The following TBC1D2B variants were observed in gnomAD, a reference collection of about 807,000 sequenced individuals.
TBC1D2B encodes TBC1 domain family, member 2B.
In TBC1D2B, 64 loss-of-function variants were observed where a neutral mutation model predicts 100.8. The ratio of observed to expected loss-of-function variants is 0.64; its 90% CI spans 0.52 to 0.78. TBC1D2B has a LOEUF of 0.78. Ranked by LOEUF, TBC1D2B falls within the 30% of genes least tolerant of loss-of-function variation. TBC1D2B has a pLI of 0.00. For synonymous variants in TBC1D2B, 480 were observed against 479.7 expected (o/e 1.00, Z -0.01); for missense variants, 1,052 against 1,218.4 (o/e 0.86, Z 2.03).
rs1567015444 is a variant in TBC1D2B, at chr15:78,012,926, G to A, written c.2167C>T (p.His723Tyr). 1.9e-6 allele frequency: 3 copies of A among 1,549,490 alleles called. No homozygotes were observed. Among genetic ancestry groups the A allele is most frequent in the Non-Finnish European group, 2.6e-6 (3 of 1,146,160 alleles). Reference protein sequence around the residue: ...DLLRTLPNNKHYSCPTSEGIQ... With the variant: ...DLLRTLPNNKYYSCPTSEGIQ... ...CCTTCTGAGGTGGGGCAGGAGTAAT[G>A]TTTGTTGTTGGGCAGAGTTCGCAGC... is the stretch of plus-strand genomic sequence containing the variant. Residue 723 changes from histidine to tyrosine, a missense_variant, in exon 9 of 13, where the codon CAT becomes TAT. By Grantham distance (83) the His-to-Tyr change is moderately conservative. Transcript: ENST00000300584.
intron 1 of TBC1D2B, among the ~76,000 whole-genome samples, chr15:78,062,518 T>C (rs1253519033): frequency 6.6e-6 from 1 of 152,164 alleles, no homozygotes; most frequent in Admixed American, 6.5e-5. Context: ...CTACATCTGC[T>C]GAGGAGAATT....
Position 78,025,459 on chromosome 15 carries a change from T to G in TBC1D2B, c.886A>C (p.Asn296His). 1 of 1,613,816 alleles carries G rather than the reference T, an allele frequency of 6.2e-7. No individual in the cohort carries two copies. The highest frequency in any genetic ancestry group is 8.5e-7 in the Non-Finnish European group (1 of 1,179,854). The change falls in exon 5 of 13, where the codon AAC becomes CAC. Residue 296 changes from asparagine to histidine, a missense_variant. Asn to His is a moderately conservative substitution (Grantham distance 68). Around this residue, in one of 4 missense-constraint regions of TBC1D2B, gnomAD observed 627 missense variants for 646.1 expected, o/e 0.97. Transcript: ENST00000300584. ...AAAGGGCGCTTTCCTTTGTAGGGGT[T>G]ACGTCCAAAATCAAAGGGGAATCCT... is the stretch of plus-strand genomic sequence containing the variant. ...GSGFPFDFGR[N>H]PYKGKRPLKD... is the part of the protein sequence containing the mutation.
At chr15:78,008,648 C>A (rs886217772) in intron 10 of TBC1D2B, among the ~76,000 whole-genome samples, 4 of 152,234 alleles carry the variant, frequency 2.6e-5, no homozygotes, top group Admixed American at 2.0e-4. Context: ...TTCTTGAGAG[C>A]CTGAGCTAAC....
chr15:78,054,763 T>G (rs887909579), intron 1 of TBC1D2B, among the ~76,000 whole-genome samples: 12 of 152,238 alleles, frequency 7.9e-5, no homozygotes, highest in Non-Finnish European at 1.5e-4. Flanking sequence ...GCAGCTACTT[T>G]AGAAAACAGT....
Position 78,045,151 on chromosome 15 carries a change from T to TA in TBC1D2B, c.515-84dup, listed in dbSNP as rs894195462. On this transcript the variant is annotated intron_variant, in intron 2 of 12. Transcript: ENST00000300584. The stretch of plus-strand genomic sequence containing the variant: ...TCCCACATAAAACACTGACTTGACA[T>TA]ACTATATAAAAATCTAAACTATGTA... The TA allele has an allele frequency of 5.6e-6, 7 of 1,259,516 alleles. No individual in the cohort carries two copies. In the Admixed American group the frequency reaches 1.2e-4, roughly 22 times the overall value. The allele number at this position is 1,259,516 out of a possible 1,614,324, so 78.0% of individuals were successfully genotyped here.
chr15:78,050,167 G>A (rs1372878154), intron 2 of TBC1D2B, among the ~76,000 whole-genome samples: 1 of 152,022 alleles, frequency 6.6e-6, no homozygotes, highest in African/African-American at 2.4e-5. Context: ...GCACTGCTCA[G>A]GCTGCCTGAG....
In TBC1D2B at chr15:78,053,894, C is replaced by A. The variant is rs184747176; in HGVS notation, c.514+140G>T. The A allele has an allele frequency of 3.7e-3, 3,571 of 977,080 alleles. 28 individuals are homozygous for A. The highest frequency in any genetic ancestry group is 0.016 in the South Asian group (933 of 58,290). 60.5% of individuals were successfully genotyped at this position (977,080 alleles called of 1,614,324 possible). A position where few individuals can be genotyped will look rare whatever the true frequency, so the allele number is the denominator to read the frequency against. ...CTTTGTACATGGAGGCGCTGGGTAA[C>A]TGTGGAATGCTGTCCACTCATAAGG... On this transcript the variant is annotated intron_variant, in intron 2 of 12. Transcript: ENST00000300584.
intron 4 of TBC1D2B, among the ~76,000 whole-genome samples, chr15:78,026,640 G>A (rs570518155): frequency 1.3e-5 from 2 of 152,266 alleles, no homozygotes; most frequent in African/African-American, 4.8e-5. Flanking sequence ...TTGGGGACAG[G>A]CATGGTGGCT....
At chr15:78,017,771 G>A (rs2072413864) in intron 7 of TBC1D2B, 76 bp downstream of exon 7, 2 of 968,390 alleles carry the variant, frequency 2.1e-6, no homozygotes, top group Admixed American at 5.4e-5. Flanking sequence ...GAACCGCTTT[G>A]TAAAGCATGC....
At chr15:78,054,298 G>A in intron 1 of TBC1D2B, 111 bp from the exon 2 acceptor site, 1 of 1,147,870 alleles carries the variant, frequency 8.7e-7, no homozygotes, top group Non-Finnish European at 1.2e-6. Context: ...GAGTTAAGAT[G>A]AACAGATCAA....
rs201639726 is a variant in TBC1D2B at position 78,003,335 on chromosome 15, T to C, written c.2544A>G (p.Ile848Met). The C allele has an allele frequency of 5.6e-6, 9 of 1,613,834 alleles. No homozygotes were observed. The highest frequency in any genetic ancestry group is 7.6e-6 in the Non-Finnish European group (9 of 1,179,848). ...DSVVSDILFK[I>M]WDSFLYEGPK... is the part of the protein sequence containing the mutation. Reference sequence around the variant, plus strand: ...GTCCTTCATAAAGGAAAGAGTCCCATATTTTAAAGAGGATGTCACTAACGA... The same window carrying C: ...GTCCTTCATAAAGGAAAGAGTCCCACATTTTAAAGAGGATGTCACTAACGA... The change falls in exon 11 of 13, where the codon ATA becomes ATG. Residue 848 changes from isoleucine (I) to methionine (M), a missense_variant. Transcript: ENST00000300584.
chr15:78,016,297 G>A (rs750994306), intron 8 of TBC1D2B, among the ~76,000 whole-genome samples: 11 of 152,140 alleles, frequency 7.2e-5, no homozygotes, highest in Non-Finnish European at 1.6e-4. Context: ...GGAAGGATCA[G>A]AAGGAAGGCT....
At chr15:78,041,590 G>A (rs897070816) in intron 3 of TBC1D2B, among the ~76,000 whole-genome samples, 14 of 152,156 alleles carry the variant, frequency 9.2e-5, no homozygotes, top group Non-Finnish European at 1.8e-4. Flanking sequence ...TACAATTTTT[G>A]AGCCATTCAT....
rs756551315 is a variant in TBC1D2B, at chr15:78,003,403, G to C, written c.2476C>G (p.Leu826Val). The change falls in exon 11 of 13, where the codon CTC becomes GTC. Residue 826 changes from leucine to valine, a missense_variant. This residue lies in a region of TBC1D2B where 373 missense variants were observed against 464.9 expected (regional missense o/e 0.80). Coordinates refer to ENST00000300584, the MANE Select transcript of TBC1D2B (RefSeq NM_144572.2). ...ACCAGAAACCAGTTGAAAGTGATGA[G>C]AGTGTAGTCGACTTTGTACTGTTCA... ...HFEQYKVDYT[L>V]ITFNWFLVVF... 1 of 1,613,916 alleles carries C rather than the reference G, an allele frequency of 6.2e-7. No homozygotes were observed. The highest frequency in any genetic ancestry group is 1.1e-5 in the South Asian group (1 of 91,084).
At chr15:78,016,428 T>C in intron 8 of TBC1D2B, 118 bp downstream of exon 8, 1 of 934,720 alleles carries the variant, frequency 1.1e-6, no homozygotes, top group Admixed American at 2.4e-5. Flanking sequence ...ACAGCATTTG[T>C]CATGAGCACC....
intron 3 of TBC1D2B, among the ~76,000 whole-genome samples, chr15:78,034,247 T>C (rs924717057): frequency 1.3e-5 from 2 of 152,340 alleles, no homozygotes; most frequent in Middle Eastern, 3.4e-3. Flanking sequence ...GAGAAAACTA[T>C]TTCAAAATAG....
At chr15:78,069,111 C>G (rs117557926) in intron 1 of TBC1D2B, among the ~76,000 whole-genome samples, 1,823 of 152,244 alleles carry the variant, frequency 0.012, 13 homozygotes, top group Middle Eastern at 0.027. Context: ...AGCAACTGAT[C>G]GAGGAGACTG....
chr15:78,019,770 T>C (rs776868338), intron 6 of TBC1D2B, among the ~76,000 whole-genome samples: 3 of 151,800 alleles, frequency 2.0e-5, no homozygotes, highest in Non-Finnish European at 2.9e-5. Context: ...CGCACACCTA[T>C]AGTCCCAGCT....
At chr15:78,028,539 A>C (rs1217570690) in intron 4 of TBC1D2B, among the ~76,000 whole-genome samples, 1 of 152,250 alleles carries the variant, frequency 6.6e-6, no homozygotes, top group East Asian at 1.9e-4. Flanking sequence ...AGGCTGATGG[A>C]GAATTTTATG....
Sources: gnomAD v4.1 joint callset for allele counts (sites outside exome capture counted in the v4.1 genomes callset) on GRCh38, gnomAD v4.1.1 for gene constraint, gnomAD v4.1.1 regional missense constraint, MANE v1.5 for transcripts, NCBI Gene and HGNC (gene_info 2026-07-23, HGNC 2026-07-21) for gene names.